Variants in CTSK observed in about 807,000 individuals in gnomAD.
CTSK encodes the protein cathepsin K.
A neutral mutation model predicts 40.5 loss-of-function variants in CTSK; 26 were observed. The observed-to-expected ratio is 0.64, with a 90% CI of 0.47 to 0.89. CTSK has a LOEUF of 0.89. CTSK is among the 40% of genes least tolerant of loss of function. CTSK has a pLI of 0.00. For missense variants in CTSK, 292 were observed against 400.1 expected (o/e 0.73, Z 2.30); for synonymous variants, 132 against 143.2 (o/e 0.92, Z 0.56).
chr1:150,803,636 T>C (rs1654032977), intron 5 of CTSK, among the ~76,000 whole-genome samples: 1 of 152,232 alleles, frequency 6.6e-6, no homozygotes, highest in Non-Finnish European at 1.5e-5. Context: ...CATAATTTGC[T>C]GAAATGTTCT....
chr1:150,801,922 A>G (rs587629800), intron 5 of CTSK, among the ~76,000 whole-genome samples: 1 of 152,240 alleles, frequency 6.6e-6, no homozygotes, highest in South Asian at 2.1e-4. Flanking sequence ...ATAGTATTGT[A>G]TCCAAATATT....
At chr1:150,799,376 A>T in intron 6 of CTSK, 103 bp from the exon 7 acceptor site, 1 of 1,218,248 alleles carries the variant, frequency 8.2e-7, no homozygotes, top group Non-Finnish European at 1.2e-6. Context: ...CCGTGTCAGG[A>T]GGGTTTACCA....
Position 150,796,764 on chromosome 1 carries a change from A to C in CTSK, c.*35T>G, listed in dbSNP as rs1289611117. The stretch of plus-strand genomic sequence containing the variant: ...TCGTTACACTGCACCATCGTGGAAG[A>C]AATGGAAGAGCAGGATGGATTTGGC... On this transcript the variant is annotated 3_prime_UTR_variant, in exon 8 of 8. Transcript: ENST00000271651. The C allele has an allele frequency of 1.2e-5, 17 of 1,434,628 alleles. No individual in the cohort carries two copies. The highest frequency in any genetic ancestry group is 1.6e-5 in the Non-Finnish European group (16 of 1,016,210). 88.9% of individuals were successfully genotyped at this position (1,434,628 alleles called of 1,614,324 possible).
chr1:150,799,753 G>A, intron 5 of CTSK, 44 bp from the exon 6 acceptor site: 1 of 1,576,088 alleles, frequency 6.3e-7, no homozygotes, highest in Non-Finnish European at 8.7e-7. Flanking sequence ...AAAGCAATAG[G>A]CAATGAGTCA....
At chr1:150,807,542 C>G (rs746621732) in intron 1 of CTSK, 1 of 351,530 alleles carries the variant, frequency 2.8e-6, no homozygotes, top group South Asian at 2.3e-5. Context: ...ACTGTGGCTG[C>G]CGCAAAGGAC....
At position 150,796,362 on chromosome 1, in the gene CTSK, ATAGACATT is replaced by A. The variant is rs1653877698; in HGVS notation, c.*429_*436del. On this transcript the variant is annotated 3_prime_UTR_variant, in exon 8 of 8. Transcript: ENST00000271651. Reference sequence around the variant, plus strand: ...AGATTTATGAATTGGAGTAGAAAACATAGACATTTCTACCTTGAGGATATAGAAGGGAA... The same window carrying A: ...AGATTTATGAATTGGAGTAGAAAACATCTACCTTGAGGATATAGAAGGGAA... 4.8e-6 allele frequency: 1 copy of A among 206,398 alleles called. No individual in the cohort carries two copies. Among genetic ancestry groups the A allele is most frequent in the South Asian group, 9.2e-5 (1 of 10,916 alleles). 12.8% of individuals were successfully genotyped at this position (206,398 alleles called of 1,614,324 possible). A position where few individuals can be genotyped will look rare whatever the true frequency, so the allele number is the denominator to read the frequency against.
At chr1:150,799,322 C>G (rs201812616) in intron 6 of CTSK, 49 bp from the exon 7 acceptor site, 2 of 1,409,890 alleles carry the variant, frequency 1.4e-6, no homozygotes, top group Non-Finnish European at 2.0e-6. Context: ...CAAGGGTCAC[C>G]CTGTGGGATC....
chr1:150,803,349 T>C (rs1319802864), intron 5 of CTSK, among the ~76,000 whole-genome samples: 1 of 152,002 alleles, frequency 6.6e-6, no homozygotes, highest in African/African-American at 2.4e-5. Flanking sequence ...AAAGAAAAAA[T>C]GCACTAAGGA....
Position 150,796,626 on chromosome 1 carries a change from A to C in CTSK, c.*173T>G, listed in dbSNP as rs201778975. On this transcript the variant is annotated 3_prime_UTR_variant, in exon 8 of 8. Coordinates refer to ENST00000271651, the MANE Select transcript of CTSK (RefSeq NM_000396.4). ...GTGAAAAAGGTCATGGGTGGAGAGA[A>C]GCAAAGTAGGAAGGATCATTTGAAG... 7 of 711,008 alleles carry C rather than the reference A, an allele frequency of 9.8e-6. No homozygotes were observed. In the South Asian group the frequency reaches 1.1e-4, roughly 11 times the overall value. The allele number at this position is 711,008 out of a possible 1,614,324, so 44.0% of individuals were successfully genotyped here.
chr1:150,797,568 G>A (rs772690025), intron 7 of CTSK, among the ~76,000 whole-genome samples: 1 of 152,172 alleles, frequency 6.6e-6, no homozygotes, highest in Non-Finnish European at 1.5e-5. Context: ...AATGAGTAGC[G>A]AGACTAGAAG....
rs1654082278 is a variant in CTSK, at chr1:150,805,941, A to G, written c.319T>C (p.Tyr107His). ...LSHSRSNDTL[Y>H]IPEWEGRAPD... The stretch of plus-strand genomic sequence containing the variant: ...GCTCTACCTTCCCATTCTGGGATAT[A>G]AAGGGTGTCATTACTGCGGGAATGA... The change falls in exon 4 of 8, where the codon TAT becomes CAT. Residue 107 changes from tyrosine to histidine, a missense_variant. By Grantham distance (83) the Tyr-to-His change is moderately conservative. Transcript: ENST00000271651. The G allele has an allele frequency of 1.9e-6, 3 of 1,614,080 alleles. No individual in the cohort carries two copies. The highest frequency in any genetic ancestry group is 2.5e-6 in the Non-Finnish European group (3 of 1,180,024).
intron 1 of CTSK, among the ~76,000 whole-genome samples, 158 bp downstream of exon 1, chr1:150,808,056 C>A (rs1299580974): frequency 6.6e-6 from 1 of 152,164 alleles, no homozygotes; most frequent in Non-Finnish European, 1.5e-5. Context: ...GATTTCCAGG[C>A]AGATTTTATT....
intron 7 of CTSK, among the ~76,000 whole-genome samples, chr1:150,797,373 G>A (rs189081358): frequency 6.6e-6 from 1 of 152,200 alleles, no homozygotes; most frequent in Non-Finnish European, 1.5e-5. Flanking sequence ...ACCCATCATC[G>A]TGAGGAGCCA....
rs1653880841 is a variant in CTSK, at chr1:150,796,623, A to G, written c.*176T>C. The G allele has an allele frequency of 2.8e-6, 2 of 702,556 alleles. No individual in the cohort carries two copies. Among genetic ancestry groups the G allele is most frequent in the African/African-American group, 1.7e-5 (1 of 57,662 alleles). The allele number at this position is 702,556 out of a possible 1,614,324, so 43.5% of individuals were successfully genotyped here. On this transcript the variant is annotated 3_prime_UTR_variant, in exon 8 of 8. Transcript: ENST00000271651. ...ACAGTGAAAAAGGTCATGGGTGGAG[A>G]GAAGCAAAGTAGGAAGGATCATTTG...
In CTSK at chr1:150,804,032, A is replaced by G; in HGVS notation, c.607T>C (p.Tyr203His). Residue 203 changes from tyrosine to histidine, a missense_variant, in exon 5 of 8, where the codon TAT (tyrosine) becomes CAT (histidine). Tyr to His is a moderately conservative substitution (Grantham distance 83). Coordinates refer to ENST00000271651, the MANE Select transcript of CTSK (RefSeq NM_000396.4). ...RGIDSEDAYP[Y>H]VGQEESCMYN... ...TGGAGCAATCTCACCTGTCCCACAT[A>G]TGGGTAGGCATCTTCAGAGTCAATA... is the stretch of plus-strand genomic sequence containing the variant. The G allele has an allele frequency of 6.2e-7, 1 of 1,614,098 alleles. No individual in the cohort carries two copies. Among genetic ancestry groups the G allele is most frequent in the Non-Finnish European group, 8.5e-7 (1 of 1,179,938 alleles).
At chr1:150,807,080 TCACA>T (rs1171180978) in intron 1 of CTSK, among the ~76,000 whole-genome samples, 2,052 of 69,566 alleles carry the variant, frequency 0.029, 29 homozygotes, top group East Asian at 0.056. Flanking sequence ...TCTCTCTCTC[TCACA>T]CACACACACA....
At chr1:150,801,405 C>T (rs1035949403) in intron 5 of CTSK, among the ~76,000 whole-genome samples, 30 of 152,148 alleles carry the variant, frequency 2.0e-4, no homozygotes, top group African/African-American at 7.0e-4. Flanking sequence ...AGGTGTGAGC[C>T]ACCGTACCTG....
At chr1:150,797,751 G>T (rs1653903811) in intron 7 of CTSK, among the ~76,000 whole-genome samples, 1 of 152,104 alleles carries the variant, frequency 6.6e-6, no homozygotes, top group South Asian at 2.1e-4. Flanking sequence ...CAGTGTTCCT[G>T]ATCCTGCCCG....
intron 5 of CTSK, among the ~76,000 whole-genome samples, chr1:150,801,327 C>T (rs1353933481): frequency 1.3e-5 from 2 of 151,946 alleles, no homozygotes; most frequent in Non-Finnish European, 2.9e-5. Flanking sequence ...CCATGTTATC[C>T]CAGCTGGTCT....
Sources: gnomAD v4.1 joint callset for allele counts (sites outside exome capture counted in the v4.1 genomes callset) on GRCh38, gnomAD v4.1.1 for gene constraint, MANE v1.5 for transcripts, NCBI Gene and HGNC (gene_info 2026-07-23, HGNC 2026-07-21) for gene names.